The following KIRREL3 variants were observed in gnomAD, a reference collection of about 807,000 sequenced individuals.
KIRREL3 encodes kirre like nephrin family adhesion molecule 3, also known as kin of IRRE-like protein 3.
In KIRREL3, 36 loss-of-function variants were observed where a neutral mutation model predicts 89.7. That is an observed-to-expected ratio of 0.40 (90% CI 0.31 to 0.53). The LOEUF is 0.53. KIRREL3 is among the 20% of genes least tolerant of loss of function. KIRREL3 has a pLI of 0.49. For synonymous variants in KIRREL3, 445 were observed against 441.4 expected, an observed-to-expected ratio of 1.01 and a Z score of -0.10; for missense variants, 864 against 1,056.6, an observed-to-expected ratio of 0.82 and a Z score of 2.53.
chr11:126,842,253 C>G (rs914155080), intron 1 of KIRREL3, among the ~76,000 whole-genome samples: 4 of 152,176 alleles, frequency 2.6e-5, no homozygotes, highest in Admixed American at 2.0e-4. Context: ...TCCAGTCTGT[C>G]CCTTTCCACA....
At chr11:126,722,760 AT>A (rs1481363886) in intron 1 of KIRREL3, among the ~76,000 whole-genome samples, 3 of 152,178 alleles carry the variant, frequency 2.0e-5, no homozygotes, top group Non-Finnish European at 4.4e-5. Context: ...GTGGACAAGG[AT>A]TTTTGTCTGT....
chr11:126,923,181 CTTCTTCTCTTCTTCT>C lies in KIRREL3; in HGVS notation c.55+77259_55+77273del, dbSNP rs1947462558. ...TTCTTCTTCTTCTTCTTCTTCTCTTCTTCTTCTCTTCTTCTTCTTCTTCTTCTTCTTCTTCTTCTT... is the reference window on the plus strand; with the variant it reads ...TTCTTCTTCTTCTTCTTCTTCTCTTCTCTTCTTCTTCTTCTTCTTCTTCTT... On this transcript the variant is annotated intron_variant, in intron 1 of 16. Coordinates refer to ENST00000525144, the MANE Select transcript of KIRREL3 (RefSeq NM_032531.4). Among the ~76,000 whole-genome samples, 5 of 21,456 alleles carry C rather than the reference CTTCTTCTCTTCTTCT, an allele frequency of 2.3e-4. 1 individual carries two copies. Among genetic ancestry groups the C allele is most frequent in the African/African-American group, 3.9e-4 (2 of 5,130 alleles). 14.1% of individuals were successfully genotyped at this position (21,456 alleles called of 152,430 possible).
rs1038320793 is a variant in KIRREL3 at position 126,594,526 on chromosome 11, C to T, written c.56-31614G>A. On this transcript the variant is annotated intron_variant, in intron 1 of 16. Coordinates refer to ENST00000525144, the MANE Select transcript of KIRREL3 (RefSeq NM_032531.4). The surrounding 1 kb of genome is among the most constrained non-coding windows in gnomAD (Gnocchi z 5.0). ...TGTAACTTTAGAATTCCTTTAGCCT[C>T]GTTTTTCCTTCTTTCTTTCCACATA... 2.0e-5 allele frequency among the ~76,000 whole-genome samples: 3 copies of T among 152,104 alleles called. No individual in the cohort carries two copies. Among genetic ancestry groups the T allele is most frequent in the African/African-American group, 4.8e-5 (2 of 41,426 alleles).
At position 126,557,722 on chromosome 11, in the gene KIRREL3, A is replaced by T. The variant is rs916726966; in HGVS notation, c.133+5113T>A. Reference sequence around the variant, plus strand: ...ACTTTAGAGCTGTCGAAGAAATGAGATTCTCAACCTCCCAGGGCTCTGACT... The same window carrying T: ...ACTTTAGAGCTGTCGAAGAAATGAGTTTCTCAACCTCCCAGGGCTCTGACT... On this transcript the variant is annotated intron_variant, in intron 2 of 16. Coordinates refer to ENST00000525144, the MANE Select transcript of KIRREL3 (RefSeq NM_032531.4). This position sits in a 1 kb window ranked among gnomAD's most constrained non-coding sequence, Gnocchi z 5.6. Among the ~76,000 whole-genome samples, 27 of 152,194 alleles carry T rather than the reference A, an allele frequency of 1.8e-4. No individual in the cohort carries two copies. The highest frequency in any genetic ancestry group is 6.3e-4 in the African/African-American group (26 of 41,456).
chr11:126,478,665 A>G (rs1236138501), intron 4 of KIRREL3, among the ~76,000 whole-genome samples: 1 of 151,818 alleles, frequency 6.6e-6, no homozygotes, highest in East Asian at 1.9e-4. Flanking sequence ...GTATATGTAT[A>G]TATGTATGTG....
intron 1 of KIRREL3, among the ~76,000 whole-genome samples, chr11:126,868,227 G>T (rs187917894): frequency 6.6e-6 from 1 of 152,102 alleles, no homozygotes; most frequent in Non-Finnish European, 1.5e-5. Flanking sequence ...TTCCTGTTAC[G>T]AAGGTGGCAA....
rs941417332 is a variant in KIRREL3, at chr11:126,664,926, A to G, written c.56-102014T>C. Among the ~76,000 whole-genome samples, 20 of 152,212 alleles carry G rather than the reference A, an allele frequency of 1.3e-4. No individual in the cohort carries two copies. Among genetic ancestry groups the G allele is most frequent in the African/African-American group, 4.6e-4 (19 of 41,460 alleles). Reference sequence around the variant, plus strand: ...GTGAAACCTGTCCCCTCCAGGCAGAATGAACTGTGCTCTTACTCTGCAGCC... The same window carrying G: ...GTGAAACCTGTCCCCTCCAGGCAGAGTGAACTGTGCTCTTACTCTGCAGCC... On this transcript the variant is annotated intron_variant, in intron 1 of 16. Transcript: ENST00000525144. This position sits in a 1 kb window ranked among gnomAD's most constrained non-coding sequence, Gnocchi z 5.4.
intron 1 of KIRREL3, among the ~76,000 whole-genome samples, chr11:126,839,284 G>A (rs1360766358): frequency 7.9e-5 from 12 of 152,210 alleles, no homozygotes; most frequent in Admixed American, 5.2e-4. Context: ...AGAGCTCATT[G>A]TCTTTTGGGG....
chr11:126,921,947 TATC>T (rs1370500223), intron 1 of KIRREL3, among the ~76,000 whole-genome samples: 1 of 151,186 alleles, frequency 6.6e-6, no homozygotes, highest in Non-Finnish European at 1.5e-5. Context: ...CCTGTCTTCC[TATC>T]ATCTGTATAT....
chr11:126,821,351 A>ATATAGATATATATATATATGTG (rs756545626), intron 1 of KIRREL3, among the ~76,000 whole-genome samples: 1 of 105,232 alleles, frequency 9.5e-6, no homozygotes, highest in African/African-American at 4.4e-5. Flanking sequence ...ATATATATAT[A>ATATAGATATATATATATATGTG]TGTAACTTCC....
rs1268786131 is a variant in KIRREL3 at position 126,528,141 on chromosome 11, C to T, written c.134-1454G>A. On this transcript the variant is annotated intron_variant, in intron 2 of 16. Transcript: ENST00000525144. The surrounding 1 kb of genome is among the most constrained non-coding windows in gnomAD (Gnocchi z 4.6). ...GGGCCCATCTGCATTCCAAGCCCTC[C>T]CTTTTTCCTACCTCCTGCTCTACAG... Among the ~76,000 whole-genome samples, 1 of 152,204 alleles carries T rather than the reference C, an allele frequency of 6.6e-6. No homozygotes were observed. Among genetic ancestry groups the T allele is most frequent in the Non-Finnish European group, 1.5e-5 (1 of 68,036 alleles).
In KIRREL3 at chr11:126,515,444, T is replaced by C. The variant is rs1176973701; in HGVS notation, c.433+5871A>G. Among the ~76,000 whole-genome samples the C allele has an allele frequency of 6.6e-6, 1 of 151,996 alleles. No individual in the cohort carries two copies. Among genetic ancestry groups the C allele is most frequent in the Non-Finnish European group, 1.5e-5 (1 of 67,990 alleles). ...CAGTCTGGATGACAGAGCAAGACCC[T>C]GACTCAAAAAAAAGATGCCTAAGGA... On this transcript the variant is annotated intron_variant, in intron 4 of 16. Coordinates refer to ENST00000525144, the MANE Select transcript of KIRREL3 (RefSeq NM_032531.4). This position sits in a 1 kb window ranked among gnomAD's most constrained non-coding sequence, Gnocchi z 4.2.
In KIRREL3 at chr11:126,571,475, AC is replaced by A. The variant is rs1940927271; in HGVS notation, c.56-8564del. On this transcript the variant is annotated intron_variant, in intron 1 of 16. Coordinates refer to ENST00000525144, the MANE Select transcript of KIRREL3 (RefSeq NM_032531.4). The surrounding 1 kb of genome is among the most constrained non-coding windows in gnomAD (Gnocchi z 7.7). ...CATCACCAAGTGTCTGCCACCTGGG[AC>A]CAGGCTCATGTAGTTCACCATCACA... Among the ~76,000 whole-genome samples the A allele has an allele frequency of 6.6e-6, 1 of 152,226 alleles. No individual in the cohort carries two copies. The highest frequency in any genetic ancestry group is 1.5e-5 in the Non-Finnish European group (1 of 68,028).
intron 1 of KIRREL3, among the ~76,000 whole-genome samples, chr11:126,596,423 C>G (rs1942398264): frequency 6.6e-6 from 1 of 152,202 alleles, no homozygotes; most frequent in African/African-American, 2.4e-5. Context: ...TGCCCAATGT[C>G]ACACAGCCAG....
In KIRREL3 at chr11:126,709,797, G is replaced by A. The variant is rs1235913642; in HGVS notation, c.56-146885C>T. On this transcript the variant is annotated intron_variant, in intron 1 of 16. Coordinates refer to ENST00000525144, the MANE Select transcript of KIRREL3 (RefSeq NM_032531.4). This position sits in a 1 kb window ranked among gnomAD's most constrained non-coding sequence, Gnocchi z 4.0. ...CTGTTGTTTAAGCCACAAGATCGTG[G>A]TATTTTGTTACAGCAGCCCAGGGAA... is the stretch of plus-strand genomic sequence containing the variant. Among the ~76,000 whole-genome samples, 1 of 152,186 alleles carries A rather than the reference G, an allele frequency of 6.6e-6. No individual in the cohort carries two copies. The highest frequency in any genetic ancestry group is 1.5e-5 in the Non-Finnish European group (1 of 68,034).
Position 126,768,622 on chromosome 11 carries a change from T to C in KIRREL3, c.56-205710A>G, listed in dbSNP as rs950689032. The stretch of plus-strand genomic sequence containing the variant: ...ACTACTTTGGATGGGGTAGTCAGGA[T>C]GGACTCTTGGAGGATGTGACCTTTG... On this transcript the variant is annotated intron_variant, in intron 1 of 16. Transcript: ENST00000525144. The surrounding 1 kb of genome is among the most constrained non-coding windows in gnomAD (Gnocchi z 4.5). 1.3e-5 allele frequency among the ~76,000 whole-genome samples: 2 copies of C among 152,166 alleles called. No individual in the cohort carries two copies. The highest frequency in any genetic ancestry group is 6.5e-5 in the Admixed American group (1 of 15,274).
In KIRREL3 at chr11:126,705,692, T is replaced by C. The variant is rs1033264269; in HGVS notation, c.56-142780A>G. ...TGTATATGTATATGTAATGTATACC[T>C]ATGTGTATGTGCATAAATGGAAAAT... On this transcript the variant is annotated intron_variant, in intron 1 of 16. Coordinates refer to ENST00000525144, the MANE Select transcript of KIRREL3 (RefSeq NM_032531.4). This position sits in a 1 kb window ranked among gnomAD's most constrained non-coding sequence, Gnocchi z 4.3. Among the ~76,000 whole-genome samples, 2 of 152,208 alleles carry C rather than the reference T, an allele frequency of 1.3e-5. No individual in the cohort carries two copies. The highest frequency in any genetic ancestry group is 2.9e-5 in the Non-Finnish European group (2 of 68,042).
intron 1 of KIRREL3, among the ~76,000 whole-genome samples, chr11:126,836,474 C>T (rs957735449): frequency 2.4e-5 from 1 of 42,382 alleles, no homozygotes; most frequent in Non-Finnish European, 4.0e-5. Flanking sequence ...GAACAGAGTG[C>T]CTGAACTTAA....
chr11:126,812,073 A>G lies in KIRREL3; in HGVS notation c.55+188382T>C, dbSNP rs1351250982. ...CGGGATTAGAGAATCTTCAAACTCA[A>G]TATGCATAAGAACAATTTATCCTGA... On this transcript the variant is annotated intron_variant, in intron 1 of 16. Coordinates refer to ENST00000525144, the MANE Select transcript of KIRREL3 (RefSeq NM_032531.4). The surrounding 1 kb of genome is among the most constrained non-coding windows in gnomAD (Gnocchi z 5.2). Among the ~76,000 whole-genome samples the G allele has an allele frequency of 2.0e-5, 3 of 152,174 alleles. No individual in the cohort carries two copies. The highest frequency in any genetic ancestry group is 4.4e-5 in the Non-Finnish European group (3 of 68,036).
Sources: gnomAD v4.1 joint callset for allele counts (sites outside exome capture counted in the v4.1 genomes callset) on GRCh38, gnomAD v4.1.1 for gene constraint, Gnocchi (gnomAD v3.1) non-coding constraint, MANE v1.5 for transcripts, NCBI Gene and HGNC (gene_info 2026-07-23, HGNC 2026-07-21) for gene names.